The following IL6R variants were observed in gnomAD, a reference collection of about 807,000 sequenced individuals.
IL6R encodes the protein interleukin-6 receptor subunit alpha.
In IL6R, 38 loss-of-function variants were observed where a neutral mutation model predicts 48.3. That is an observed-to-expected ratio of 0.79 (90% CI 0.61 to 1.03). The LOEUF (loss-of-function observed/expected upper bound fraction) is 1.03, where lower values mean the gene tolerates loss of function less well. IL6R is among the 50% of genes least tolerant of loss of function. The pLI, the probability that IL6R is intolerant of heterozygous loss-of-function variation, is 0.00. For synonymous variants in IL6R, 264 were observed against 256.2 expected (o/e 1.03, Z -0.29); for missense variants, 534 against 618.3 (o/e 0.86, Z 1.45).
At chr1:154,418,792 G>T (rs976880342) in intron 1 of IL6R, among the ~76,000 whole-genome samples, 8 of 152,130 alleles carry the variant, frequency 5.3e-5, no homozygotes, top group Non-Finnish European at 8.8e-5. Flanking sequence ...CTGCGGCTGT[G>T]GGGGAAGGGA....
intron 8 of IL6R, among the ~76,000 whole-genome samples, chr1:154,450,792 G>T (rs1690540029): frequency 6.6e-6 from 1 of 152,232 alleles, no homozygotes; most frequent in Non-Finnish European, 1.5e-5. Context: ...CAGCTCCCCT[G>T]ATGACTCTTG....
At chr1:154,447,088 C>T (rs923678917) in intron 6 of IL6R, among the ~76,000 whole-genome samples, 2 of 151,968 alleles carry the variant, frequency 1.3e-5, no homozygotes, top group Non-Finnish European at 1.5e-5. Flanking sequence ...TACAGTGAGC[C>T]ATCATCATGC....
intron 1 of IL6R, chr1:154,414,965 G>C: frequency 7.1e-7 from 1 of 1,403,426 alleles, no homozygotes; most frequent in Non-Finnish European, 9.9e-7. Context: ...CACTGGCCCC[G>C]ATCTTCAGTA....
chr1:154,437,287 C>T (rs1296525072), intron 6 of IL6R: 4 of 193,188 alleles, frequency 2.1e-5, no homozygotes, highest in East Asian at 1.4e-4. Flanking sequence ...TTAGTAGAGA[C>T]GGGGTTTCAC....
rs189524547 is a variant in IL6R at position 154,449,246 on chromosome 1, G to A, written c.997-665G>A. Among the ~76,000 whole-genome samples, 323 of 151,656 alleles carry A rather than the reference G, an allele frequency of 2.1e-3. 3 individuals are homozygous for A. The highest frequency in any genetic ancestry group is 7.5e-3 in the African/African-American group (313 of 41,468). On this transcript the variant is annotated intron_variant, in intron 7 of 9. Transcript: ENST00000368485. ...GTCTGAGGCCAGGGCCGGGCACAGG[G>A]GCTCACACCTGTAATCCCAGCACTT...
chr1:154,422,027 A>G (rs996422999), intron 1 of IL6R, among the ~76,000 whole-genome samples: 2 of 151,748 alleles, frequency 1.3e-5, no homozygotes, highest in African/African-American at 4.8e-5. Context: ...GTTCACTGCA[A>G]TCTCTGCCTC....
intron 1 of IL6R, among the ~76,000 whole-genome samples, chr1:154,407,689 G>A (rs989577802): frequency 6.6e-6 from 1 of 152,188 alleles, no homozygotes; most frequent in Non-Finnish European, 1.5e-5. Flanking sequence ...GGGGAAATCC[G>A]CAGGTACAGC....
intron 6 of IL6R, among the ~76,000 whole-genome samples, chr1:154,443,100 C>G (rs183942155): frequency 6.4e-4 from 98 of 152,260 alleles, no homozygotes; most frequent in African/African-American, 2.3e-3. Context: ...CTGGGAAAAG[C>G]CCATTAGGTA....
rs764871910 is a variant in IL6R at position 154,436,043 on chromosome 1, C to G, written c.882C>G (p.Ala294=). 6.2e-7 allele frequency: 1 copy of G among 1,613,220 alleles called. No individual in the cohort carries two copies. Among genetic ancestry groups the G allele is most frequent in the Non-Finnish European group, 8.5e-7 (1 of 1,179,564 alleles). The change falls in exon 6 of 10, where the codon GCC becomes GCG. Residue 294 remains alanine (A), a synonymous_variant. Coordinates refer to ENST00000368485, the MANE Select transcript of IL6R (RefSeq NM_000565.4). ...TGAGGCACGTGGTGCAGCTTCGTGC[C>G]CAGGAGGAGTTCGGGCAAGGCGAGT... ...SGLRHVVQLR[A]QEEFGQGEWS...
At chr1:154,449,523 C>A (rs939353811) in intron 7 of IL6R, among the ~76,000 whole-genome samples, 4 of 151,812 alleles carry the variant, frequency 2.6e-5, no homozygotes, top group African/African-American at 9.7e-5. Flanking sequence ...CACAAAAAAA[C>A]AAACAAAAAA....
At chr1:154,415,882 G>A (rs138925258) in intron 1 of IL6R, among the ~76,000 whole-genome samples, 2,161 of 152,166 alleles carry the variant, frequency 0.014, 60 homozygotes, top group African/African-American at 0.048. Flanking sequence ...CGGAGGCTGA[G>A]GCAAGAGGGG....
At chr1:154,429,650 T>A (rs1372213621) in intron 2 of IL6R, among the ~76,000 whole-genome samples, 1 of 152,114 alleles carries the variant, frequency 6.6e-6, no homozygotes, top group Non-Finnish European at 1.5e-5. Flanking sequence ...TGGGGAACAT[T>A]GGCTTTGGGA....
chr1:154,456,460 G>A (rs1235775473), intron 9 of IL6R, among the ~76,000 whole-genome samples: 1 of 152,086 alleles, frequency 6.6e-6, no homozygotes, highest in East Asian at 1.9e-4. Flanking sequence ...GCCCGCCTCC[G>A]CCTCCCAAAG....
At chr1:154,431,095 A>G (rs1689268814) in intron 3 of IL6R, among the ~76,000 whole-genome samples, 1 of 152,084 alleles carries the variant, frequency 6.6e-6, no homozygotes, top group African/African-American at 2.4e-5. Context: ...GGCTATTTCC[A>G]TGATAAAGAC....
At chr1:154,433,914 A>C (rs948623809) in intron 3 of IL6R, among the ~76,000 whole-genome samples, 2 of 151,746 alleles carry the variant, frequency 1.3e-5, no homozygotes, top group Admixed American at 1.3e-4. Context: ...TTTTTAGTAG[A>C]GACAGGGTTT....
chr1:154,421,342 A>T (rs528039244), intron 1 of IL6R, among the ~76,000 whole-genome samples: 1 of 152,344 alleles, frequency 6.6e-6, no homozygotes, highest in East Asian at 1.9e-4. Flanking sequence ...CATGCCTGCC[A>T]ACCCCATCCC....
chr1:154,437,450 G>A (rs562541376), intron 6 of IL6R: 20 of 381,900 alleles, frequency 5.2e-5, no homozygotes, highest in South Asian at 3.0e-4. Flanking sequence ...CTTTCTCCTC[G>A]TTGCCCAGGA....
intron 6 of IL6R, among the ~76,000 whole-genome samples, chr1:154,444,158 G>A (rs1392432080): frequency 1.3e-5 from 2 of 151,946 alleles, no homozygotes; most frequent in Admixed American, 6.6e-5. Flanking sequence ...GGGATTTCAC[G>A]GGTCTGTAAA....
chr1:154,414,920 G>A (rs919752663), intron 1 of IL6R: 38 of 1,008,398 alleles, frequency 3.8e-5, no homozygotes, highest in Non-Finnish European at 4.9e-5. Flanking sequence ...GTCATGTGGC[G>A]CTGGAAGGAG....
Sources: gnomAD v4.1 joint callset for allele counts (sites outside exome capture counted in the v4.1 genomes callset) on GRCh38, gnomAD v4.1.1 for gene constraint, MANE v1.5 for transcripts, NCBI Gene and HGNC (gene_info 2026-07-23, HGNC 2026-07-21) for gene names.